ANTXR1: variants seen among roughly 807,000 people sequenced by gnomAD.
ANTXR1 encodes ANTXR cell adhesion molecule 1, also known as anthrax toxin receptor 1.
In ANTXR1, 19 loss-of-function variants were observed where a neutral mutation model predicts 78.1. That is an observed-to-expected ratio of 0.24 (90% CI 0.17 to 0.36). The LOEUF (loss-of-function observed/expected upper bound fraction) is 0.36, where lower values mean the gene tolerates loss of function less well. Ranked by LOEUF, ANTXR1 falls within the 10% of genes least tolerant of loss-of-function variation. The pLI, the probability that ANTXR1 is intolerant of heterozygous loss-of-function variation, is 1.00. For synonymous variants in ANTXR1, 273 were observed against 260.5 expected, an observed-to-expected ratio of 1.05 and a Z score of -0.46; for missense variants, 518 against 718.6, an observed-to-expected ratio of 0.72 and a Z score of 3.19.
At chr2:69,049,893 CT>C (rs1462112372) in intron 3 of ANTXR1, among the ~76,000 whole-genome samples, 1 of 152,126 alleles carries the variant, frequency 6.6e-6, no homozygotes, top group Non-Finnish European at 1.5e-5. Context: ...ATTATTAAAA[CT>C]TTTTATCTGA....
intron 13 of ANTXR1, among the ~76,000 whole-genome samples, chr2:69,155,601 T>G (rs1473455636): frequency 6.6e-6 from 1 of 152,210 alleles, no homozygotes; most frequent in Non-Finnish European, 1.5e-5. Context: ...AAGGATCATT[T>G]TTTTAAAAAA....
At chr2:69,036,581 G>A (rs957741503) in intron 1 of ANTXR1, among the ~76,000 whole-genome samples, 15 of 152,094 alleles carry the variant, frequency 9.9e-5, no homozygotes, top group South Asian at 4.2e-4. Context: ...AGGAGGTTTG[G>A]AGATTCCTCT....
chr2:69,107,244 G>C (rs1671839445), intron 10 of ANTXR1, among the ~76,000 whole-genome samples: 1 of 151,924 alleles, frequency 6.6e-6, no homozygotes, highest in Non-Finnish European at 1.5e-5. Flanking sequence ...GTTTTGTTTT[G>C]TGTGGTTTTT....
Position 69,118,582 on chromosome 2 carries a change from C to T in ANTXR1, c.803-4435C>T, listed in dbSNP as rs573583440. Among the ~76,000 whole-genome samples, 103 of 152,322 alleles carry T rather than the reference C, an allele frequency of 6.8e-4. 2 individuals carry two copies. Among genetic ancestry groups the T allele is most frequent in the African/African-American group, 2.2e-3 (93 of 41,574 alleles). On this transcript the variant is annotated intron_variant, in intron 10 of 17. Transcript: ENST00000303714. ...CTGGCCTTCATTTTCCCTGCCCACCCGGTGCTAGTGAGCAGCGAAATGGCC... is the reference window on the plus strand; with the variant it reads ...CTGGCCTTCATTTTCCCTGCCCACCTGGTGCTAGTGAGCAGCGAAATGGCC...
chr2:69,151,894 C>T (rs1299800779), intron 12 of ANTXR1, among the ~76,000 whole-genome samples: 1 of 152,198 alleles, frequency 6.6e-6, no homozygotes, highest in Non-Finnish European at 1.5e-5. Context: ...TTCATGCCTG[C>T]TCTGTCTCTT....
In ANTXR1 at chr2:69,045,254, G is replaced by A. The variant is rs371621637; in HGVS notation, c.296+441G>A. Among the ~76,000 whole-genome samples, 6 of 152,128 alleles carry A rather than the reference G, an allele frequency of 3.9e-5. No homozygotes were observed. The East Asian group carries it at 1.2e-3, about 29-fold the overall frequency. ...AATTACCCAGGAAGGGAGTAGAAAGGGAGGGCTTATGGTACCACAAAATAA... is the reference window on the plus strand; with the variant it reads ...AATTACCCAGGAAGGGAGTAGAAAGAGAGGGCTTATGGTACCACAAAATAA... On this transcript the variant is annotated intron_variant, in intron 3 of 17. Transcript: ENST00000303714.
At chr2:69,133,252 G>A (rs1326298739) in intron 12 of ANTXR1, among the ~76,000 whole-genome samples, 1 of 152,146 alleles carries the variant, frequency 6.6e-6, no homozygotes, top group Non-Finnish European at 1.5e-5. Context: ...CTCAATACCA[G>A]GAAACAACCT....
chr2:69,018,740 TC>T (rs1312028982), intron 1 of ANTXR1, among the ~76,000 whole-genome samples: 2 of 152,000 alleles, frequency 1.3e-5, no homozygotes, highest in Non-Finnish European at 2.9e-5. Context: ...TGCCCTTGAC[TC>T]CCAGACCAGC....
At chr2:69,018,940 G>A (rs1399812674) in intron 1 of ANTXR1, among the ~76,000 whole-genome samples, 1 of 152,212 alleles carries the variant, frequency 6.6e-6, no homozygotes, top group South Asian at 2.1e-4. Context: ...AGCTGTAGTT[G>A]ATGGAAAGTA....
intron 12 of ANTXR1, among the ~76,000 whole-genome samples, chr2:69,146,606 T>A (rs1036652024): frequency 3.9e-5 from 6 of 152,222 alleles, no homozygotes; most frequent in Admixed American, 1.3e-4. Context: ...TCCGCTGTCA[T>A]CTGCGTCATA....
At chr2:69,161,065 C>T (rs1379248372) in intron 13 of ANTXR1, among the ~76,000 whole-genome samples, 3 of 152,218 alleles carry the variant, frequency 2.0e-5, no homozygotes. Flanking sequence ...CCCACTGACA[C>T]TACTAGTGTC....
chr2:69,110,174 G>A (rs951748838), intron 10 of ANTXR1, among the ~76,000 whole-genome samples: 6 of 152,142 alleles, frequency 3.9e-5, no homozygotes, highest in African/African-American at 1.4e-4. Context: ...GAAAACAGGT[G>A]TTTTCATTCA....
chr2:69,107,031 A>G (rs1671830311), intron 10 of ANTXR1, among the ~76,000 whole-genome samples: 1 of 152,198 alleles, frequency 6.6e-6, no homozygotes, highest in African/African-American at 2.4e-5. Context: ...CTGAAATAAA[A>G]CTTCATGGAT....
chr2:69,140,668 G>A (rs190749339), intron 12 of ANTXR1, among the ~76,000 whole-genome samples: 1 of 152,306 alleles, frequency 6.6e-6, no homozygotes, highest in East Asian at 1.9e-4. Context: ...CCCAAGGGAG[G>A]TGTTTCAGAA....
rs997255994 is a variant in ANTXR1 at position 69,027,516 on chromosome 2, C to T, written c.153-12528C>T. On this transcript the variant is annotated intron_variant, in intron 1 of 17. Coordinates refer to ENST00000303714, the MANE Select transcript of ANTXR1 (RefSeq NM_032208.3). ...TGGGGTTGATTCCATTCCCCACTCTCCCCTAACTGATGGAACAACAACATG... is the reference window on the plus strand; with the variant it reads ...TGGGGTTGATTCCATTCCCCACTCTTCCCTAACTGATGGAACAACAACATG... Among the ~76,000 whole-genome samples, 6 of 152,166 alleles carry T rather than the reference C, an allele frequency of 3.9e-5. No homozygotes were observed. The South Asian group carries it at 1.2e-3, about 32-fold the overall frequency.
At chr2:69,153,111 G>A (rs1673439721) in intron 13 of ANTXR1, among the ~76,000 whole-genome samples, 1 of 152,190 alleles carries the variant, frequency 6.6e-6, no homozygotes, top group Non-Finnish European at 1.5e-5. Flanking sequence ...GCCCATGAAT[G>A]TGAAGTGGCC....
At chr2:69,089,680 T>C (rs1671165029) in intron 8 of ANTXR1, among the ~76,000 whole-genome samples, 5 of 152,204 alleles carry the variant, frequency 3.3e-5, no homozygotes, top group Admixed American at 3.3e-4. Flanking sequence ...TGCAAATAAA[T>C]GGGCGTTTCC....
intron 9 of ANTXR1, among the ~76,000 whole-genome samples, chr2:69,092,228 C>T (rs956758367): frequency 5.3e-5 from 8 of 152,202 alleles, no homozygotes; most frequent in African/African-American, 1.9e-4. Context: ...ACACTACACA[C>T]ATCAATGTTT....
intron 1 of ANTXR1, among the ~76,000 whole-genome samples, chr2:69,018,768 C>T (rs1057429020): frequency 2.6e-5 from 4 of 152,204 alleles, no homozygotes; most frequent in Non-Finnish European, 4.4e-5. Flanking sequence ...CACTCATCTT[C>T]CCTGTAGAGT....
Sources: gnomAD v4.1 joint callset for allele counts (sites outside exome capture counted in the v4.1 genomes callset) on GRCh38, gnomAD v4.1.1 for gene constraint, MANE v1.5 for transcripts, NCBI Gene and HGNC (gene_info 2026-07-23, HGNC 2026-07-21) for gene names.